Variants in C1orf21 observed in about 807,000 individuals in gnomAD.
C1orf21 encodes the protein chromosome 1 open reading frame 21.
Under a neutral mutation model 18.7 loss-of-function variants are expected in C1orf21, and 3 were observed. The observed-to-expected ratio is 0.16, with a 90% CI of 0.07 to 0.42. C1orf21 has a LOEUF of 0.42. Ranked by LOEUF, C1orf21 falls within the 10% of genes least tolerant of loss-of-function variation. C1orf21 has a pLI of 0.99. For missense variants in C1orf21, 104 were observed against 143.6 expected, an observed-to-expected ratio of 0.72 and a Z score of 1.41; for synonymous variants, 41 against 46.4, an observed-to-expected ratio of 0.88 and a Z score of 0.47.
chr1:184,411,100 T>TA (rs1241468828), intron 1 of C1orf21, among the ~76,000 whole-genome samples: 2 of 152,018 alleles, frequency 1.3e-5, no homozygotes, highest in African/African-American at 4.8e-5. Context: ...AACAGGAACA[T>TA]ATGTGGTTTA....
At chr1:184,414,261 G>A (rs1483415999) in intron 1 of C1orf21, among the ~76,000 whole-genome samples, 2 of 152,126 alleles carry the variant, frequency 1.3e-5, no homozygotes, top group African/African-American at 2.4e-5. Flanking sequence ...CTCCCAAGTA[G>A]CTGGGACCAC....
intron 1 of C1orf21, among the ~76,000 whole-genome samples, chr1:184,395,527 G>T (rs765973725): frequency 5.2e-4 from 79 of 152,190 alleles, no homozygotes; most frequent in Middle Eastern, 6.8e-3. Flanking sequence ...GCCTGGGACT[G>T]GAGAGATGCT....
chr1:184,575,844 G>A (rs1659181848), intron 3 of C1orf21, among the ~76,000 whole-genome samples: 1 of 151,910 alleles, frequency 6.6e-6, no homozygotes, highest in Admixed American at 6.6e-5. Context: ...ACTAAAGCTA[G>A]GCTAACCAGT....
intron 4 of C1orf21, among the ~76,000 whole-genome samples, chr1:184,597,792 A>G (rs1659536556): frequency 1.3e-5 from 2 of 152,330 alleles, no homozygotes; most frequent in African/African-American, 4.8e-5. Flanking sequence ...GTCACAGGAC[A>G]GGAAACACAG....
intron 1 of C1orf21, among the ~76,000 whole-genome samples, chr1:184,427,615 G>A (rs888686110): frequency 1.3e-5 from 2 of 152,132 alleles, no homozygotes; most frequent in Non-Finnish European, 2.9e-5. Flanking sequence ...GTCAAATGAT[G>A]TGGTTGAAAT....
Position 184,626,303 on chromosome 1 carries a change from C to G in C1orf21, c.*6747C>G, listed in dbSNP as rs1480435987. The G allele has an allele frequency of 6.6e-6, 1 of 152,210 alleles. No individual in the cohort carries two copies. Among genetic ancestry groups the G allele is most frequent in the Non-Finnish European group, 1.5e-5 (1 of 68,112 alleles). The allele number at this position is 152,210 out of a possible 1,614,324, so 9.4% of individuals were successfully genotyped here. A position where few individuals can be genotyped will look rare whatever the true frequency, so the allele number is the denominator to read the frequency against. On this transcript the variant is annotated 3_prime_UTR_variant, in exon 6 of 6. Transcript: ENST00000235307. Reference sequence around the variant, plus strand: ...CCCAGTTTTGGCAATCAGGGGCTTCCTGAAAGAGGTGACATCAAAGCCCGG... The same window carrying G: ...CCCAGTTTTGGCAATCAGGGGCTTCGTGAAAGAGGTGACATCAAAGCCCGG...
chr1:184,513,807 T>C (rs1163894937), intron 3 of C1orf21, among the ~76,000 whole-genome samples: 1 of 152,254 alleles, frequency 6.6e-6, no homozygotes, highest in Non-Finnish European at 1.5e-5. Flanking sequence ...TGGAAAGTCT[T>C]GATGAAGGCA....
intron 3 of C1orf21, among the ~76,000 whole-genome samples, chr1:184,586,223 A>G (rs1002411294): frequency 4.7e-5 from 7 of 150,028 alleles, no homozygotes; most frequent in African/African-American, 7.4e-5. Flanking sequence ...ACTTTTTTTC[A>G]TATGATTGTT....
chr1:184,540,629 C>T lies in C1orf21; in HGVS notation c.189+32947C>T, dbSNP rs140521717. 1.2e-3 allele frequency among the ~76,000 whole-genome samples: 187 copies of T among 152,206 alleles called. 3 individuals are homozygous for T. In the East Asian group the frequency reaches 0.025, roughly 20 times the overall value. ...TATTTTTAGTAGGGACAGGGTTTCG[C>T]CATGTTGGTCAGGCTGGTCTTGAAC... On this transcript the variant is annotated intron_variant, in intron 3 of 5. Coordinates refer to ENST00000235307, the MANE Select transcript of C1orf21 (RefSeq NM_030806.4).
At chr1:184,587,966 C>T (rs185962153) in intron 3 of C1orf21, among the ~76,000 whole-genome samples, 2 of 152,162 alleles carry the variant, frequency 1.3e-5, no homozygotes, top group Non-Finnish European at 2.9e-5. Flanking sequence ...ACTTTGGATG[C>T]ATATCTTTTT....
chr1:184,530,003 T>G (rs1658434968), intron 3 of C1orf21, among the ~76,000 whole-genome samples: 1 of 152,204 alleles, frequency 6.6e-6, no homozygotes, highest in Non-Finnish European at 1.5e-5. Context: ...TTTTACACGC[T>G]TCACCTTTAA....
At position 184,477,523 on chromosome 1, in the gene C1orf21, C is replaced by T; in HGVS notation, c.14C>T (p.Ser5Phe). Residue 5 changes from serine to phenylalanine, a missense_variant, in exon 2 of 6, where the codon TCC becomes TTC. Coordinates refer to ENST00000235307, the MANE Select transcript of C1orf21 (RefSeq NM_030806.4). MGCA[S>F]AKHVATVQNE... ...CCGAATGAGACTATGGGCTGTGCCT[C>T]CGCCAAGCATGTTGCCACTGTTCAA... The T allele has an allele frequency of 1.2e-6, 2 of 1,613,910 alleles. No individual in the cohort carries two copies. Among genetic ancestry groups the T allele is most frequent in the Non-Finnish European group, 8.5e-7 (1 of 1,179,882 alleles).
At chr1:184,577,435 C>G (rs1322778789) in intron 3 of C1orf21, among the ~76,000 whole-genome samples, 1 of 151,962 alleles carries the variant, frequency 6.6e-6, no homozygotes, top group African/African-American at 2.4e-5. Context: ...AAATCTGTGT[C>G]ATTTTAAGCC....
intron 3 of C1orf21, among the ~76,000 whole-genome samples, chr1:184,516,191 A>G (rs764072132): frequency 7.2e-5 from 11 of 152,184 alleles, no homozygotes; most frequent in Non-Finnish European, 1.0e-4. Context: ...GACATACAAC[A>G]TGATTGGTTG....
intron 3 of C1orf21, among the ~76,000 whole-genome samples, chr1:184,566,089 G>A (rs535452424): frequency 6.6e-6 from 1 of 152,242 alleles, no homozygotes; most frequent in East Asian, 1.9e-4. Context: ...ATGCTTTTGA[G>A]GAAGGTCTCA....
chr1:184,544,524 G>A (rs1557999169), intron 3 of C1orf21, among the ~76,000 whole-genome samples: 1 of 152,168 alleles, frequency 6.6e-6, no homozygotes, highest in Non-Finnish European at 1.5e-5. Context: ...CCCTTGCTGT[G>A]TTAGTGGCTC....
chr1:184,453,518 C>A (rs1259075187), intron 1 of C1orf21, among the ~76,000 whole-genome samples: 1 of 152,154 alleles, frequency 6.6e-6, no homozygotes, highest in African/African-American at 2.4e-5. Flanking sequence ...AAACATTGAT[C>A]TGCGTTTTAA....
chr1:184,401,470 G>A (rs1571341560), intron 1 of C1orf21, among the ~76,000 whole-genome samples: 1 of 152,148 alleles, frequency 6.6e-6, no homozygotes, highest in South Asian at 2.1e-4. Flanking sequence ...CAGGTGATCC[G>A]CCTGCCTCAG....
intron 2 of C1orf21, among the ~76,000 whole-genome samples, chr1:184,481,874 CAGT>C (rs1657663195): frequency 6.6e-6 from 1 of 152,170 alleles, no homozygotes; most frequent in Admixed American, 6.5e-5. Context: ...AAGACAGTTC[CAGT>C]ACCCTAGATA....
Sources: allele counts gnomAD v4.1 joint callset (sites outside exome capture counted in the v4.1 genomes callset), GRCh38; gene constraint gnomAD v4.1.1; transcripts MANE v1.5; gene names NCBI Gene and HGNC (gene_info 2026-07-23, HGNC 2026-07-21).